ZNF331: variants seen among roughly 807,000 people sequenced by gnomAD.
ZNF331 encodes zinc finger protein 331, also known as C2H2-like zinc finger protein rearranged in thyroid adenomas.
Under a neutral mutation model 7.0 loss-of-function variants are expected in ZNF331, and 2 were observed. That is an observed-to-expected ratio of 0.29 (90% CI 0.12 to 0.90). ZNF331 has a LOEUF of 0.90. Among genes scored for constraint, ZNF331 ranks in the 40% least tolerant of loss-of-function variants. The pLI is 0.58. For synonymous variants in ZNF331, 196 were observed against 205.4 expected (o/e 0.95, Z 0.39); for missense variants, 432 against 587.7 (o/e 0.74, Z 2.74).
chr19:53,510,259 A>C, the ZNF331 span, among the ~76,000 whole-genome samples: 2 of 152,140 alleles, frequency 1.3e-5, no homozygotes, highest in Non-Finnish European at 2.9e-5. Context: ...AGTTTCTTGA[A>C]AAAGGATTCA....
chr19:53,535,188 C>T (rs774027385), upstream of ZNF331, among the ~76,000 whole-genome samples: 6 of 151,276 alleles, frequency 4.0e-5, no homozygotes, highest in Admixed American at 1.3e-4. Flanking sequence ...CTCTGCCTCC[C>T]GGGTTCAAGA....
intron 3 of ZNF331, among the ~76,000 whole-genome samples, chr19:53,568,377 C>T (rs981847808): frequency 3.9e-5 from 6 of 152,128 alleles, no homozygotes; most frequent in Admixed American, 6.6e-5. Context: ...CACCAACTAT[C>T]GCCAACTAGA....
rs1267437987 is a variant in ZNF331, at chr19:53,577,922, C to T, written c.1362C>T (p.Leu454=). The T allele has an allele frequency of 6.2e-7, 1 of 1,613,286 alleles. No individual in the cohort carries two copies. The highest frequency in any genetic ancestry group is 8.5e-7 in the Non-Finnish European group (1 of 1,179,648). The stretch of plus-strand genomic sequence containing the variant: ...AGGCATGTAACCACCTAAACCATCT[C>T]CGAGAACATCAGAGGATCCACAACA... ...CGKACNHLNH[L]REHQRIHNS The change falls in exon 6 of 6, where the codon CTC becomes CTT. Residue 454 remains leucine (L), a synonymous_variant. Transcript: ENST00000449416.
intron 3 of ZNF331, among the ~76,000 whole-genome samples, chr19:53,565,081 A>G (rs1008082278): frequency 1.3e-5 from 2 of 152,312 alleles, no homozygotes; most frequent in East Asian, 3.9e-4. Flanking sequence ...TGCTGTGGCT[A>G]TTCGTACTTG....
intron 5 of ZNF331, among the ~76,000 whole-genome samples, chr19:53,575,714 A>T (rs917973182): frequency 6.9e-6 from 1 of 145,512 alleles, no homozygotes; most frequent in African/African-American, 2.6e-5. Flanking sequence ...TATGGAGTCT[A>T]GCTCTGTCAC....
intron 2 of ZNF331, among the ~76,000 whole-genome samples, chr19:53,527,390 A>C (rs1031578988): frequency 6.6e-6 from 1 of 152,188 alleles, no homozygotes; most frequent in Non-Finnish European, 1.5e-5. Flanking sequence ...TTGCACGGCA[A>C]GGGAAATTTC....
upstream of ZNF331, among the ~76,000 whole-genome samples, chr19:53,520,282 G>A (rs12460124): frequency 0.4 from 61,078 of 151,686 alleles, 12,497 homozygotes; most frequent in South Asian, 0.49. Context: ...CCTGATCTCA[G>A]GTGATATACC....
intron 2 of ZNF331, among the ~76,000 whole-genome samples, chr19:53,527,289 A>G (rs940545672): frequency 1.2e-4 from 19 of 152,222 alleles, no homozygotes; most frequent in African/African-American, 4.3e-4. Flanking sequence ...AGTTATTAAT[A>G]AATGTTTGAA....
upstream of ZNF331, among the ~76,000 whole-genome samples, chr19:53,515,183 C>A (rs544956213): frequency 2.0e-5 from 3 of 152,128 alleles, no homozygotes; most frequent in African/African-American, 7.2e-5. Flanking sequence ...TCTCCTGCTC[C>A]GCGTTCTGTT....
rs765873654 is a variant in ZNF331, at chr19:53,560,458, A to G, written c.-74+4550A>G. Reference sequence around the variant, plus strand: ...CTGAGACACAGTGAAAGGATGTTCCATAACAGGAAGGTTATGCCTGATTCA... The same window carrying G: ...CTGAGACACAGTGAAAGGATGTTCCGTAACAGGAAGGTTATGCCTGATTCA... On this transcript the variant is annotated intron_variant, in intron 3 of 5. Transcript: ENST00000449416. The surrounding 1 kb of genome is among the most constrained non-coding windows in gnomAD (Gnocchi z 4.3). Among the ~76,000 whole-genome samples, 4 of 152,204 alleles carry G rather than the reference A, an allele frequency of 2.6e-5. No homozygotes were observed. Among genetic ancestry groups the G allele is most frequent in the Admixed American group, 6.5e-5 (1 of 15,282 alleles).
At chr19:53,533,966 G>A (rs1490160098), upstream of ZNF331, among the ~76,000 whole-genome samples, 2 of 152,148 alleles carry the variant, frequency 1.3e-5, no homozygotes, top group East Asian at 3.9e-4. Context: ...TGTGTTATAT[G>A]CAATACTCCT....
At position 53,573,836 on chromosome 19, in the gene ZNF331, G is replaced by A. The variant is rs1347397478; in HGVS notation, c.136+2106G>A. 6.6e-6 allele frequency among the ~76,000 whole-genome samples: 1 copy of A among 152,146 alleles called. No individual in the cohort carries two copies. Among genetic ancestry groups the A allele is most frequent in the Non-Finnish European group, 1.5e-5 (1 of 68,036 alleles). On this transcript the variant is annotated intron_variant, in intron 5 of 5. Coordinates refer to ENST00000449416, the MANE Select transcript of ZNF331 (RefSeq NM_001079906.2). The surrounding 1 kb of genome is among the most constrained non-coding windows in gnomAD (Gnocchi z 4.2). ...CTCAATCAAAAAAAATTTAAGGCCAGGCATGGTGGTTCACGCCTATAATCC... is the reference window on the plus strand; with the variant it reads ...CTCAATCAAAAAAAATTTAAGGCCAAGCATGGTGGTTCACGCCTATAATCC...
At position 53,571,801 on chromosome 19, in the gene ZNF331, C is replaced by T. The variant is rs558708285; in HGVS notation, c.136+71C>T. On this transcript the variant is annotated intron_variant, in intron 5 of 5. Transcript: ENST00000449416. The surrounding 1 kb of genome is among the most constrained non-coding windows in gnomAD (Gnocchi z 4.7). ...CGCTCTCCCCTGTGAATTTCAGGAC[C>T]GCCTTTCAAGAAACTAGTTGAATTT... is the stretch of plus-strand genomic sequence containing the variant. 2.6e-5 allele frequency: 39 copies of T among 1,513,370 alleles called. No homozygotes were observed. Among genetic ancestry groups the T allele is most frequent in the African/African-American group, 2.0e-4 (14 of 71,706 alleles). The allele number at this position is 1,513,370 out of a possible 1,614,324, so 93.7% of individuals were successfully genotyped here. A position where few individuals can be genotyped will look rare whatever the true frequency, so the allele number is the denominator to read the frequency against.
chr19:53,542,001 C>CAA (rs780855744), intron 2 of ZNF331, among the ~76,000 whole-genome samples: 21 of 142,430 alleles, frequency 1.5e-4, no homozygotes, highest in Non-Finnish European at 1.9e-4. Flanking sequence ...GACAGTGTCT[C>CAA]AAAAAAAAAA....
the ZNF331 span, among the ~76,000 whole-genome samples, chr19:53,506,411 CCTCTCTCTCTCTCT>C: frequency 2.7e-5 from 2 of 74,414 alleles, no homozygotes; most frequent in Non-Finnish European, 5.0e-5. Context: ...CTCTCTCTCT[CCTCTCTCTCTCTCT>C]CTCTCTCTCT....
At chr19:53,526,216 A>G (rs545089811) in intron 2 of ZNF331, among the ~76,000 whole-genome samples, 2 of 152,250 alleles carry the variant, frequency 1.3e-5, no homozygotes, top group South Asian at 4.1e-4. Context: ...AGGTTTATCA[A>G]AGGTACTGGC....
chr19:53,538,985 G>T (rs1386246868), intron 1 of ZNF331: 1 of 152,212 alleles, frequency 6.6e-6, no homozygotes, highest in Non-Finnish European at 1.5e-5. Flanking sequence ...TGCTGTGCAT[G>T]CAGGCCACCT....
intron 2 of ZNF331, among the ~76,000 whole-genome samples, chr19:53,543,474 G>T (rs2088327165): frequency 6.6e-6 from 1 of 151,498 alleles, no homozygotes; most frequent in Non-Finnish European, 1.5e-5. Context: ...ACGTTGGCCA[G>T]GCTGGTCTCA....
chr19:53,550,868 T>G lies in ZNF331; in HGVS notation c.-137-4977T>G, dbSNP rs2088959108. 2.0e-5 allele frequency among the ~76,000 whole-genome samples: 3 copies of G among 150,694 alleles called. No individual in the cohort carries two copies. In the South Asian group the frequency reaches 6.3e-4, roughly 32 times the overall value. ...CTTTTTTTTTTTTTTTCTTTTTTTTTGAGACAGAGTCTTGCTCTGTCACCC... is the reference window on the plus strand; with the variant it reads ...CTTTTTTTTTTTTTTTCTTTTTTTTGGAGACAGAGTCTTGCTCTGTCACCC... On this transcript the variant is annotated intron_variant, in intron 2 of 5. Transcript: ENST00000449416.
Sources: gnomAD v4.1 joint callset for allele counts (sites outside exome capture counted in the v4.1 genomes callset) on GRCh38, gnomAD v4.1.1 for gene constraint, Gnocchi (gnomAD v3.1) non-coding constraint, MANE v1.5 for transcripts, NCBI Gene and HGNC (gene_info 2026-07-23, HGNC 2026-07-21) for gene names.